The following SMPX variants were observed in gnomAD, a reference collection of about 807,000 sequenced individuals.
SMPX encodes small muscle protein X-linked, also known as small muscular protein.
A neutral mutation model predicts 6.3 loss-of-function variants in SMPX; 2 were observed. That is an observed-to-expected ratio of 0.32 (90% confidence interval 0.13 to 0.99). The LOEUF (loss-of-function observed/expected upper bound fraction) is 0.99. Among genes scored for constraint, SMPX ranks in the 50% least tolerant of loss-of-function variants. SMPX has a pLI of 0.49. For synonymous variants in SMPX, 32 were observed against 24.7 expected, an observed-to-expected ratio of 1.30 and a Z score of -0.88; for missense variants, 60 against 66.8, an observed-to-expected ratio of 0.90 and a Z score of 0.36.
rs1396754772 is a variant in SMPX, at chrX:21,758,072, T to C, written c.-143A>G. On this transcript the variant is annotated 5_prime_UTR_variant, in exon 1 of 5. An upstream start codon of the reference 5' UTR is lost. Transcript: ENST00000379494. ...GCGATCTCAATTCCGATGCTTTTCA[T>C]GTGGCTGAAATAGCTCTGTGCCTCT... is the stretch of plus-strand genomic sequence containing the variant. 1 of 329,618 alleles carries C rather than the reference T, an allele frequency of 3.0e-6. No individual in the cohort carries two copies. Among genetic ancestry groups the C allele is most frequent in the African/African-American group, 2.6e-5 (1 of 38,270 alleles). The allele number at this position is 329,618 out of a possible 1,213,427, so 27.2% of individuals were successfully genotyped here.
intron 2 of SMPX, among the ~76,000 whole-genome samples, chrX:21,746,460 T>G (rs1347000497): frequency 9.0e-6 from 1 of 111,362 alleles, no homozygotes; most frequent in Non-Finnish European, 1.9e-5. Flanking sequence ...AGCTCTAAAA[T>G]TCTCTAAAGC....
At chrX:21,715,318 G>C (rs769358299) in intron 4 of SMPX, among the ~76,000 whole-genome samples, 2 of 108,976 alleles carry the variant, frequency 1.8e-5, no homozygotes, top group Non-Finnish European at 3.8e-5. Context: ...GCACGCGCGC[G>C]CGCTCGCGCG....
intron 4 of SMPX, among the ~76,000 whole-genome samples, chrX:21,731,401 T>C (rs1266306421): frequency 1.0e-5 from 1 of 98,515 alleles, no homozygotes; most frequent in Non-Finnish European, 2.1e-5. Context: ...ATCCACACAC[T>C]ATACATATAA....
intron 4 of SMPX, among the ~76,000 whole-genome samples, chrX:21,719,820 G>C (rs1277810300): frequency 8.9e-6 from 1 of 112,208 alleles, no homozygotes. Context: ...TTCTCTGTTA[G>C]AAGCATCAGA....
intron 2 of SMPX, among the ~76,000 whole-genome samples, chrX:21,745,452 A>G (rs2092820395): frequency 8.9e-6 from 1 of 111,785 alleles, no homozygotes; most frequent in South Asian, 3.7e-4. Flanking sequence ...CTTACAACCA[A>G]TAGTGTCCTA....
chrX:21,715,389 T>G (rs1033167427), intron 4 of SMPX, among the ~76,000 whole-genome samples: 6 of 110,178 alleles, frequency 5.4e-5, no homozygotes, highest in Non-Finnish European at 9.5e-5. Context: ...TTAAATCTCC[T>G]GGAGGGAGTT....
At chrX:21,749,520 C>T (rs2092825160) in intron 2 of SMPX, among the ~76,000 whole-genome samples, 2 of 111,855 alleles carry the variant, frequency 1.8e-5, no homozygotes, top group Admixed American at 9.5e-5. Flanking sequence ...TCCAGCCTTA[C>T]TCTCTGTGCC....
chrX:21,738,642 T>C (rs183146178), intron 3 of SMPX, among the ~76,000 whole-genome samples: 6 of 110,692 alleles, frequency 5.4e-5, no homozygotes, highest in Non-Finnish European at 7.6e-5. Context: ...GAGAGGATAA[T>C]TGAATGAGGG....
intron 1 of SMPX, among the ~76,000 whole-genome samples, chrX:21,756,928 G>A (rs977992943): frequency 1.8e-5 from 2 of 112,448 alleles, no homozygotes; most frequent in African/African-American, 6.5e-5. Context: ...GCACCGCTGA[G>A]TTTTCCTGGC....
In SMPX at chrX:21,743,762, A is replaced by T. The variant is rs1220458836; in HGVS notation, c.120T>A (p.Pro40=). 1 of 1,205,759 alleles carries T rather than the reference A, an allele frequency of 8.3e-7. No individual in the cohort carries two copies. The highest frequency in any genetic ancestry group is 2.2e-5 in the Admixed American group (1 of 45,964). Residue 40 remains proline, a synonymous_variant, in exon 3 of 5, where the codon CCT becomes CCA. Transcript: ENST00000379494. ...GAGTTTTCCTCACCTCCTCCACTTC[A>T]GGAGTACATTCTTTTCTTCTGGGGG... The part of the protein sequence containing the change: ...GQPPRRKECT[P]EVEEGVPPTS...
intron 4 of SMPX, among the ~76,000 whole-genome samples, chrX:21,730,824 T>G (rs1054729269): frequency 2.7e-5 from 3 of 112,343 alleles, no homozygotes; most frequent in Non-Finnish European, 5.6e-5. Context: ...CAAATAGATT[T>G]ATTACATTTA....
At chrX:21,727,532 G>T (rs947822295) in intron 4 of SMPX, 2 of 111,874 alleles carry the variant, frequency 1.8e-5, no homozygotes, top group Admixed American at 9.5e-5. Context: ...CCTATAGAAG[G>T]CATCCAATGA....
rs915585112 is a variant in SMPX, at chrX:21,711,564, C to A, written c.*15-5170G>T. On this transcript the variant is annotated intron_variant, in intron 4 of 4. Transcript: ENST00000379494. ...CATCTTGGCTGGTGTGGGGATGATA[C>A]ACCAAATATCTCCCTTGTGTCACCC... Among the ~76,000 whole-genome samples, 4 of 111,975 alleles carry A rather than the reference C, an allele frequency of 3.6e-5. No homozygotes were observed. In the South Asian group the frequency reaches 1.5e-3, roughly 42 times the overall value.
chrX:21,735,359 A>C (rs2092809387), intron 4 of SMPX, among the ~76,000 whole-genome samples: 1 of 112,533 alleles, frequency 8.9e-6, no homozygotes, highest in Admixed American at 9.4e-5. Flanking sequence ...CTGACAACTT[A>C]GATTTTCACA....
chrX:21,741,757 C>A (rs1285915563), intron 3 of SMPX, among the ~76,000 whole-genome samples: 2 of 110,484 alleles, frequency 1.8e-5, no homozygotes, highest in African/African-American at 6.6e-5. Context: ...ATCTGTTGGA[C>A]AATAAGTTGT....
intron 4 of SMPX, among the ~76,000 whole-genome samples, chrX:21,731,996 T>G (rs1181746728): frequency 4.5e-5 from 5 of 110,778 alleles, no homozygotes; most frequent in African/African-American, 1.3e-4. Flanking sequence ...TCATTTGTGT[T>G]GGTTTTTGCT....
intron 4 of SMPX, among the ~76,000 whole-genome samples, chrX:21,736,383 G>A (rs1303579318): frequency 8.9e-6 from 1 of 111,916 alleles, no homozygotes; most frequent in Non-Finnish European, 1.9e-5. Context: ...GGGAGGAAGG[G>A]ATTGAAGCAA....
chrX:21,706,424 G>GT (rs770599974), intron 4 of SMPX, 30 bp from the exon 5 acceptor site: 40 of 339,985 alleles, frequency 1.2e-4, no homozygotes, highest in African/African-American at 1.1e-3. Flanking sequence ...GGAACCATGA[G>GT]TTTTTTGCCT....
intron 4 of SMPX, among the ~76,000 whole-genome samples, chrX:21,735,094 A>C (rs1255920804): frequency 2.7e-5 from 3 of 111,650 alleles, no homozygotes; most frequent in Non-Finnish European, 5.6e-5. Flanking sequence ...AAGAAGAAAA[A>C]AAATCAATCC....
Sources: allele counts gnomAD v4.1 joint callset (sites outside exome capture counted in the v4.1 genomes callset), GRCh38; gene constraint gnomAD v4.1.1; transcripts MANE v1.5; gene names NCBI Gene and HGNC (gene_info 2026-07-23, HGNC 2026-07-21).